RBM20: variants seen among roughly 807,000 people sequenced by gnomAD.
RBM20 encodes RNA binding motif protein 20, also known as RNA-binding protein 20.
RBM20 carries 51 observed loss-of-function variants against 110.1 expected under a neutral mutation model. The ratio of observed to expected loss-of-function variants is 0.46; its 90% CI spans 0.37 to 0.59. The LOEUF (loss-of-function observed/expected upper bound fraction) is 0.59, where lower values mean the gene tolerates loss of function less well. RBM20 is among the 20% of genes least tolerant of loss of function. RBM20 has a pLI of 0.00. For missense variants in RBM20, 1,512 were observed against 1,574.9 expected (o/e 0.96, Z 0.68); for synonymous variants, 589 against 618.2 (o/e 0.95, Z 0.70).
At chr10:110,809,746 C>T (rs1395909450) in intron 7 of RBM20, among the ~76,000 whole-genome samples, 1 of 152,156 alleles carries the variant, frequency 6.6e-6, no homozygotes, top group Non-Finnish European at 1.5e-5. Flanking sequence ...GAAGGGGGCA[C>T]AGAGCATGGA....
At chr10:110,674,771 A>G (rs1862313693) in intron 1 of RBM20, among the ~76,000 whole-genome samples, 1 of 152,220 alleles carries the variant, frequency 6.6e-6, no homozygotes, top group South Asian at 2.1e-4. Context: ...TCTTGATTTC[A>G]TTCTGCACTC....
intron 1 of RBM20, among the ~76,000 whole-genome samples, chr10:110,655,158 C>G (rs1185892049): frequency 6.6e-6 from 1 of 152,122 alleles, no homozygotes; most frequent in African/African-American, 2.4e-5. Flanking sequence ...AAATCCATCA[C>G]TTACAAGAAA....
At chr10:110,831,519 C>T in intron 13 of RBM20, 1 of 198,844 alleles carries the variant, frequency 5.0e-6, no homozygotes, top group South Asian at 1.1e-4. Flanking sequence ...TTGGCAATAT[C>T]CACCTCTCCC....
At chr10:110,811,017 C>T (rs913901704) in intron 8 of RBM20, among the ~76,000 whole-genome samples, 3 of 152,134 alleles carry the variant, frequency 2.0e-5, no homozygotes, top group Non-Finnish European at 4.4e-5. Flanking sequence ...TTCTTCCAAC[C>T]GAAGTTTGTG....
At chr10:110,772,639 C>CTCTA (rs961491973) in intron 1 of RBM20, among the ~76,000 whole-genome samples, 2 of 152,186 alleles carry the variant, frequency 1.3e-5, no homozygotes, top group African/African-American at 4.8e-5. Flanking sequence ...TGTATGTACA[C>CTCTA]TCTATGATGT....
intron 1 of RBM20, among the ~76,000 whole-genome samples, chr10:110,657,338 C>T (rs1332628137): frequency 6.6e-6 from 1 of 151,328 alleles, no homozygotes; most frequent in Non-Finnish European, 1.5e-5. Context: ...TTTTAATGGC[C>T]ATCCTAGTGG....
At chr10:110,669,303 TA>T (rs1246529727) in intron 1 of RBM20, among the ~76,000 whole-genome samples, 1 of 151,160 alleles carries the variant, frequency 6.6e-6, no homozygotes, top group Non-Finnish European at 1.5e-5. Flanking sequence ...TGTGGCGGGG[TA>T]GGGGGGACAG....
At chr10:110,785,556 A>G (rs1356583398) in intron 5 of RBM20, among the ~76,000 whole-genome samples, 1 of 152,174 alleles carries the variant, frequency 6.6e-6, no homozygotes, top group Non-Finnish European at 1.5e-5. Flanking sequence ...ACTCTGTCTC[A>G]AAACAAACAA....
intron 1 of RBM20, among the ~76,000 whole-genome samples, chr10:110,747,140 C>G (rs61864289): frequency 0.13 from 19,493 of 152,134 alleles, 1,298 homozygotes; most frequent in Non-Finnish European, 0.14. Flanking sequence ...CCTTTCTGTA[C>G]TATTTTTGCA....
rs559062533 is a variant in RBM20, at chr10:110,804,411, G to T, written c.1800+4493G>T. Among the ~76,000 whole-genome samples the T allele has an allele frequency of 5.9e-5, 9 of 152,328 alleles. No individual in the cohort carries two copies. In the South Asian group the frequency reaches 6.2e-4, roughly 11 times the overall value. On this transcript the variant is annotated intron_variant, in intron 7 of 13. Transcript: ENST00000369519. ...GGGCTGCATATGAGGTCCCACCAGG[G>T]TTTGCAGAGGTGGGGAGAAATTCTG... is the stretch of plus-strand genomic sequence containing the variant.
At chr10:110,800,887 T>A (rs1213583532) in intron 7 of RBM20, among the ~76,000 whole-genome samples, 1 of 152,248 alleles carries the variant, frequency 6.6e-6, no homozygotes, top group Non-Finnish European at 1.5e-5. Flanking sequence ...ACATTTCCAT[T>A]GTATGGCTAT....
intron 13 of RBM20, among the ~76,000 whole-genome samples, chr10:110,834,840 T>G (rs185015947): frequency 1.3e-5 from 2 of 152,356 alleles, no homozygotes; most frequent in East Asian, 3.9e-4. Context: ...GCCTCAAACC[T>G]GTCCCAGTCT....
At chr10:110,742,108 C>T (rs559706741) in intron 1 of RBM20, among the ~76,000 whole-genome samples, 1 of 152,216 alleles carries the variant, frequency 6.6e-6, no homozygotes, top group East Asian at 1.9e-4. Context: ...TGATGTAGTT[C>T]CTGTAAAAAA....
intron 1 of RBM20, among the ~76,000 whole-genome samples, chr10:110,752,404 C>T (rs1451887153): frequency 6.6e-6 from 1 of 152,106 alleles, no homozygotes; most frequent in Non-Finnish European, 1.5e-5. Context: ...GAATAATATC[C>T]CATTGTCTGA....
chr10:110,711,878 CT>C (rs199768009), intron 1 of RBM20, among the ~76,000 whole-genome samples: 10 of 151,488 alleles, frequency 6.6e-5, no homozygotes, highest in South Asian at 2.1e-4. Context: ...GGATTGTATC[CT>C]TTTTTTTTCT....
At chr10:110,791,571 A>C (rs1449366460) in intron 5 of RBM20, among the ~76,000 whole-genome samples, 3 of 152,246 alleles carry the variant, frequency 2.0e-5, no homozygotes, top group Non-Finnish European at 4.4e-5. Flanking sequence ...GAATCTTCAT[A>C]TACAAGTCTG....
chr10:110,774,018 G>A (rs1844229402), intron 1 of RBM20, among the ~76,000 whole-genome samples: 1 of 152,176 alleles, frequency 6.6e-6, no homozygotes, highest in Admixed American at 6.5e-5. Context: ...TAATGAACGT[G>A]TAAACAGAGG....
At chr10:110,806,204 G>C (rs926042416) in intron 7 of RBM20, among the ~76,000 whole-genome samples, 1 of 151,284 alleles carries the variant, frequency 6.6e-6, no homozygotes, top group African/African-American at 2.4e-5. Flanking sequence ...GAAGGCAGAG[G>C]TTGCAGTGAG....
At position 110,727,693 on chromosome 10, in the gene RBM20, T is replaced by C. The variant is rs533847990; in HGVS notation, c.192-53108T>C. On this transcript the variant is annotated intron_variant, in intron 1 of 13. Coordinates refer to ENST00000369519, the MANE Select transcript of RBM20 (RefSeq NM_001134363.3). ...TACATGTGCTGAACGTGCAGGTTTG[T>C]TACATAGGTATACATGTGCTATGGT... Among the ~76,000 whole-genome samples, 8 of 152,316 alleles carry C rather than the reference T, an allele frequency of 5.3e-5. No individual in the cohort carries two copies. The South Asian group carries it at 1.7e-3, about 32-fold the overall frequency.
Sources: gnomAD v4.1 joint callset for allele counts (sites outside exome capture counted in the v4.1 genomes callset) on GRCh38, gnomAD v4.1.1 for gene constraint, MANE v1.5 for transcripts, NCBI Gene and HGNC (gene_info 2026-07-23, HGNC 2026-07-21) for gene names.